The following NLRC5 variants were observed in gnomAD, a reference collection of about 807,000 sequenced individuals.
NLRC5 encodes protein NLRC5.
NLRC5 carries 114 observed loss-of-function variants against 206.9 expected under a neutral mutation model. That is an observed-to-expected ratio of 0.55 (90% CI 0.47 to 0.64). The LOEUF is 0.64. NLRC5 is among the 30% of genes least tolerant of loss of function. The probability of loss-of-function intolerance (pLI) is 0.00; values close to 1 mark genes in which losing one functional copy is unlikely to be tolerated. For synonymous variants in NLRC5, 952 were observed against 962.8 expected, an observed-to-expected ratio of 0.99 and a Z score of 0.21; for missense variants, 2,008 against 2,305.5, an observed-to-expected ratio of 0.87 and a Z score of 2.64.
chr16:57,079,045 C>T lies in NLRC5; in HGVS notation c.5082-5C>T. 6.2e-7 allele frequency: 1 copy of T among 1,613,694 alleles called. No homozygotes were observed. Among genetic ancestry groups the T allele is most frequent in the Non-Finnish European group, 8.5e-7 (1 of 1,179,672 alleles). On this transcript the variant is annotated splice_region_variant and splice_polypyrimidine_tract_variant and intron_variant, in intron 43 of 48. Coordinates refer to ENST00000688547, the MANE Select transcript of NLRC5 (RefSeq NM_001384950.1). Reference sequence around the variant, plus strand: ...GGCTCCTCTCACCCTCTCCTCTTTCCCCAGCCTACCATTCAGCCATCTGGG... The same window carrying T: ...GGCTCCTCTCACCCTCTCCTCTTTCTCCAGCCTACCATTCAGCCATCTGGG...
chr16:57,025,918 CA>C lies in NLRC5; in HGVS notation c.976del (p.Thr326ProfsTer17). 2 of 1,614,210 alleles carry C rather than the reference CA, an allele frequency of 1.2e-6. No homozygotes were observed. The highest frequency in any genetic ancestry group is 1.7e-6 in the Non-Finnish European group (2 of 1,180,034). On this transcript the variant is annotated frameshift_variant, in exon 6 of 49. Coordinates refer to ENST00000688547, the MANE Select transcript of NLRC5 (RefSeq NM_001384950.1). LOFTEE classifies it high-confidence loss of function. ...GTCCTGATGGCCCAGGCCCAGTCCT[CA>C]CCCTTTTCTCCCATCTCTGCAATGG... is the stretch of plus-strand genomic sequence containing the variant. ...MGPDGPGPVL[T>X]LFSHLCNGTL... is the part of the protein sequence containing the mutation.
rs1468519051 is a variant in NLRC5, at chr16:57,025,929, C to T, written c.986C>T (p.Ser329Phe). ...CCAGGCCCAGTCCTCACCCTTTTCTCCCATCTCTGCAATGGGACCCTCCTG... is the reference window on the plus strand; with the variant it reads ...CCAGGCCCAGTCCTCACCCTTTTCTTCCATCTCTGCAATGGGACCCTCCTG... ...DGPGPVLTLF[S>F]HLCNGTLLPG... The change falls in exon 6 of 49, where the codon TCC (serine) becomes TTC (phenylalanine). Residue 329 changes from serine to phenylalanine, a missense_variant. Coordinates refer to ENST00000688547, the MANE Select transcript of NLRC5 (RefSeq NM_001384950.1). 2.5e-6 allele frequency: 4 copies of T among 1,614,228 alleles called. No homozygotes were observed. The East Asian group carries it at 8.9e-5, about 36-fold the overall frequency.
chr16:57,083,369 G>A lies in NLRC5; in HGVS notation c.*841G>A, dbSNP rs1260987770. On this transcript the variant is annotated 3_prime_UTR_variant, in exon 49 of 49. Coordinates refer to ENST00000688547, the MANE Select transcript of NLRC5 (RefSeq NM_001384950.1). ...GGGCACTGCCAAGACAATAAGCTAG[G>A]CTACTGGGTCCAGCTACTACTTTGG... is the stretch of plus-strand genomic sequence containing the variant. 6.6e-6 allele frequency: 1 copy of A among 150,950 alleles called. No homozygotes were observed. Among genetic ancestry groups the A allele is most frequent in the Non-Finnish European group, 1.5e-5 (1 of 68,076 alleles). The allele number at this position is 150,950 out of a possible 1,614,324, so 9.4% of individuals were successfully genotyped here.
In NLRC5 at chr16:57,023,767, C is replaced by T. The variant is rs12445252; in HGVS notation, c.356-18C>T. On this transcript the variant is annotated intron_variant, in intron 4 of 48. Coordinates refer to ENST00000688547, the MANE Select transcript of NLRC5 (RefSeq NM_001384950.1). ...ATCCCCAGACCCCACTCCTCCACCC[C>T]TTCCTTTGCTTTTTCAGGCCTGAAG... is the stretch of plus-strand genomic sequence containing the variant. 404,545 of 1,602,892 alleles carry T rather than the reference C, an allele frequency of 0.25. 53,900 individuals are homozygous for T. The highest frequency in any genetic ancestry group is 0.28 in the Non-Finnish European group (326,578 of 1,173,204).
At position 57,026,891 on chromosome 16, in the gene NLRC5, G is replaced by A. The variant is rs1361850600; in HGVS notation, c.1948G>A (p.Asp650Asn). The A allele has an allele frequency of 2.5e-6, 4 of 1,614,146 alleles. No individual in the cohort carries two copies. Among genetic ancestry groups the A allele is most frequent in the Non-Finnish European group, 3.4e-6 (4 of 1,180,034 alleles). Residue 650 changes from aspartate to asparagine, a missense_variant, in exon 6 of 49, where the codon GAC (aspartate) becomes AAC (asparagine). Coordinates refer to ENST00000688547, the MANE Select transcript of NLRC5 (RefSeq NM_001384950.1). ...CCACAATTTCCCACTGACCTGCACCGACCTGGCCACCCTGACCAACATCCT... is the reference window on the plus strand; with the variant it reads ...CCACAATTTCCCACTGACCTGCACCAACCTGGCCACCCTGACCAACATCCT... ...PFHNFPLTCT[D>N]LATLTNILEH...
At chr16:57,055,165 C>A in intron 26 of NLRC5, 71 bp downstream of exon 26, 1 of 1,526,578 alleles carries the variant, frequency 6.6e-7, no homozygotes, top group Non-Finnish European at 9.1e-7. Flanking sequence ...TCCTGGGTGG[C>A]CAGAGCAGTA....
chr16:57,061,706 C>T lies in NLRC5; in HGVS notation c.4154+5C>T. ...CGCAGGGCTGTTCAGCCTCAGGTAC[C>T]TCCTCCCCCGCTGCCTCCGGGAGGG... On this transcript the variant is annotated splice_donor_5th_base_variant and intron_variant, in intron 32 of 48. Transcript: ENST00000688547. The T allele has an allele frequency of 3.1e-6, 5 of 1,600,080 alleles. No homozygotes were observed. Among genetic ancestry groups the T allele is most frequent in the Non-Finnish European group, 3.4e-6 (4 of 1,175,570 alleles).
chr16:57,050,755 A>G (rs1297085311), intron 23 of NLRC5, among the ~76,000 whole-genome samples: 6 of 152,214 alleles, frequency 3.9e-5, no homozygotes, highest in Non-Finnish European at 8.8e-5. Flanking sequence ...ATGGGCAACT[A>G]GAGACCCAAG....
At position 57,047,545 on chromosome 16, in the gene NLRC5, C is replaced by T; in HGVS notation, c.3339C>T (p.Cys1113=). ...TGCCCTGCCCATTGCCCCTTTGCAG[C>T]CTCAGTGAGTGTCCTCTGGAGCCCC... The part of the protein sequence containing the change: ...FRQRCIPRSL[C]LSECPLEPPS... The change falls in exon 23 of 49, where the codon TGC becomes TGT. Residue 1113 remains cysteine (C), a splice_region_variant and synonymous_variant. Transcript: ENST00000688547. The T allele has an allele frequency of 1.2e-6, 2 of 1,611,432 alleles. No individual in the cohort carries two copies. The highest frequency in any genetic ancestry group is 2.2e-5 in the East Asian group (1 of 44,836).
chr16:57,042,094 A>T, intron 19 of NLRC5, 29 bp downstream of exon 19: 1 of 1,408,540 alleles, frequency 7.1e-7, no homozygotes, highest in Non-Finnish European at 9.5e-7. Context: ...AGAGCCTCTG[A>T]GGCTGGGGCA....
rs148873682 is a variant in NLRC5, at chr16:57,041,558, G to T, written c.3013G>T (p.Gly1005Cys). The T allele has an allele frequency of 2.9e-4, 463 of 1,614,062 alleles. No individual in the cohort carries two copies. Among genetic ancestry groups the T allele is most frequent in the Non-Finnish European group, 3.6e-4 (425 of 1,179,966 alleles). The part of the protein sequence containing the change: ...CKALGGSCHL[G>C]HLHLDFSGNA... ...GGCTCTGGGAGGAAGCTGCCACCTC[G>T]GTCACCTCCACCTCGAGTGAGTGGT... The change falls in exon 18 of 49, where the codon GGT (glycine) becomes TGT (cysteine). Residue 1005 changes from glycine (G) to cysteine (C), a missense_variant. Physicochemically the swap from Gly to Cys is radical, Grantham distance 159. Transcript: ENST00000688547.
At position 57,074,684 on chromosome 16, in the gene NLRC5, G is replaced by A. The variant is rs1456514968; in HGVS notation, c.4751+1G>A. On this transcript the variant is annotated splice_donor_variant, in intron 39 of 48. Coordinates refer to ENST00000688547, the MANE Select transcript of NLRC5 (RefSeq NM_001384950.1). LOFTEE classifies it high-confidence loss of function. ...AGATGACCTGCCTGCAGAGCCTCAG[G>A]TGAGTGACCGAGCGGCCCCATGGGA... 2.5e-6 allele frequency: 4 copies of A among 1,613,490 alleles called. No homozygotes were observed. The highest frequency in any genetic ancestry group is 3.4e-6 in the Non-Finnish European group (4 of 1,179,610).
intron 13 of NLRC5, 174 bp downstream of exon 13, chr16:57,034,425 G>C (rs1351977409): frequency 3.3e-6 from 2 of 614,236 alleles, no homozygotes; most frequent in Non-Finnish European, 5.8e-6. Flanking sequence ...CCCGGGTCAG[G>C]TGCTGTGCTA....
Position 57,046,774 on chromosome 16 carries a change from GAA to G in NLRC5, c.3338+135_3338+136del, listed in dbSNP as rs1464898731. On this transcript the variant is annotated intron_variant, in intron 22 of 48. Coordinates refer to ENST00000688547, the MANE Select transcript of NLRC5 (RefSeq NM_001384950.1). Reference sequence around the variant, plus strand: ...GAGGGAGTTTAAGAGAAAAGGAAAAGAAAGAGGCGTGGGTGTGAGGGGTGCTG... The same window carrying G: ...GAGGGAGTTTAAGAGAAAAGGAAAAGAGAGGCGTGGGTGTGAGGGGTGCTG... The G allele has an allele frequency of 4.1e-6, 3 of 740,144 alleles. No individual in the cohort carries two copies. In the African/African-American group the frequency reaches 5.3e-5, roughly 13 times the overall value. The allele number at this position is 740,144 out of a possible 1,614,324, so 45.8% of individuals were successfully genotyped here.
At chr16:57,013,676 C>T in intron 1 of NLRC5, 1 of 877,464 alleles carries the variant, frequency 1.1e-6, no homozygotes, top group Non-Finnish European at 1.9e-6. Context: ...GTATGATGAA[C>T]TCACTTGCTG....
Position 57,070,557 on chromosome 16 carries a change from G to A in NLRC5, c.4606G>A (p.Glu1536Lys). Residue 1536 changes from glutamate to lysine, a missense_variant, in exon 38 of 49, where the codon GAG becomes AAG. Coordinates refer to ENST00000688547, the MANE Select transcript of NLRC5 (RefSeq NM_001384950.1). ...ELDLSNNQFD[E>K]EGTKALMRAL... ...CAGCTTGTCTAACAATCAATTTGAT[G>A]AGGAGGGCACCAAGGCGCTGATGAG... 1 of 1,614,110 alleles carries A rather than the reference G, an allele frequency of 6.2e-7. No homozygotes were observed. Among genetic ancestry groups the A allele is most frequent in the Non-Finnish European group, 8.5e-7 (1 of 1,180,014 alleles).
At chr16:57,011,361 T>C (rs1485215538) in intron 1 of NLRC5, among the ~76,000 whole-genome samples, 2 of 148,078 alleles carry the variant, frequency 1.4e-5, no homozygotes, top group Non-Finnish European at 3.0e-5. Flanking sequence ...TGCAGTGAGC[T>C]GAGATCGTGC....
chr16:57,037,326 T>G lies in NLRC5; in HGVS notation c.2801+42T>G, dbSNP rs776838446. The G allele has an allele frequency of 4.2e-6, 6 of 1,432,560 alleles. No homozygotes were observed. In the East Asian group the frequency reaches 1.4e-4, roughly 34 times the overall value. 88.7% of individuals were successfully genotyped at this position (1,432,560 alleles called of 1,614,324 possible). A position where few individuals can be genotyped will look rare whatever the true frequency, so the allele number is the denominator to read the frequency against. On this transcript the variant is annotated intron_variant, in intron 15 of 48. Coordinates refer to ENST00000688547, the MANE Select transcript of NLRC5 (RefSeq NM_001384950.1). ...ACCACGGTACCCATCCCCCCCCCCA[T>G]CATGCTCTCTCTGAAGCCCTTGGAA...
At chr16:57,046,664 T>A (rs375775465) in intron 22 of NLRC5, 23 bp downstream of exon 22, 1 of 1,603,742 alleles carries the variant, frequency 6.2e-7, no homozygotes, top group Non-Finnish European at 8.5e-7. Flanking sequence ...CCCTTCTTGT[T>A]TGGGGGTAAC....
Sources: gnomAD v4.1 joint callset for allele counts (sites outside exome capture counted in the v4.1 genomes callset) on GRCh38, gnomAD v4.1.1 for gene constraint, MANE v1.5 for transcripts, NCBI Gene and HGNC (gene_info 2026-07-23, HGNC 2026-07-21) for gene names.